ZNF385D: variants seen among roughly 807,000 people sequenced by gnomAD.
ZNF385D encodes zinc finger protein 385D.
A neutral mutation model predicts 35.8 loss-of-function variants in ZNF385D; 15 were observed. The observed-to-expected ratio is 0.42, with a 90% CI of 0.28 to 0.64. The LOEUF is 0.64. Ranked by LOEUF, ZNF385D falls within the 30% of genes least tolerant of loss-of-function variation. ZNF385D has a pLI of 0.23. For missense variants in ZNF385D, 474 were observed against 494.6 expected (o/e 0.96, Z 0.39); for synonymous variants, 212 against 186.8 (o/e 1.13, Z -1.10).
intron 3 of ZNF385D, among the ~76,000 whole-genome samples, chr3:22,100,025 T>G (rs973626424): frequency 4.0e-5 from 6 of 151,572 alleles, no homozygotes; most frequent in African/African-American, 1.5e-4. Flanking sequence ...GGGCAAAGGA[T>G]ATGAACAGAC....
At chr3:21,596,354 T>TAAG (rs2064127342) in intron 2 of ZNF385D, among the ~76,000 whole-genome samples, 1 of 152,150 alleles carries the variant, frequency 6.6e-6, no homozygotes, top group Non-Finnish European at 1.5e-5. Context: ...AAGATACTTA[T>TAAG]AAGAGTGAGA....
At chr3:22,071,995 A>G (rs949990310) in intron 3 of ZNF385D, among the ~76,000 whole-genome samples, 1 of 152,148 alleles carries the variant, frequency 6.6e-6, no homozygotes, top group South Asian at 2.1e-4. Context: ...TCAGAAAAAA[A>G]GATACATAAT....
chr3:21,651,030 A>G (rs962014237), intron 2 of ZNF385D, among the ~76,000 whole-genome samples: 1 of 152,062 alleles, frequency 6.6e-6, no homozygotes, highest in African/African-American at 2.4e-5. Flanking sequence ...CTGTAATCCC[A>G]GCACTTTGGG....
At chr3:22,129,334 T>C (rs769700452) in intron 3 of ZNF385D, among the ~76,000 whole-genome samples, 6 of 152,278 alleles carry the variant, frequency 3.9e-5, no homozygotes, top group Non-Finnish European at 7.4e-5. Context: ...ATTCCTTGGA[T>C]ACTGCTGAGT....
At chr3:21,500,377 T>G (rs2125436905) in intron 4 of ZNF385D, among the ~76,000 whole-genome samples, 1 of 152,278 alleles carries the variant, frequency 6.6e-6, no homozygotes. Flanking sequence ...TGTATGAAAT[T>G]AAGGTGTATC....
intron 1 of ZNF385D, among the ~76,000 whole-genome samples, chr3:21,684,370 CTCTCTCTCTCTCT>C (rs1559516427): frequency 3.7e-4 from 16 of 42,808 alleles, no homozygotes; most frequent in African/African-American, 8.2e-4. Flanking sequence ...GTTCTCCTCT[CTCTCTCTCTCTCT>C]CTCTCTCTCT....
intron 3 of ZNF385D, among the ~76,000 whole-genome samples, chr3:21,523,754 C>T (rs967814285): frequency 6.8e-6 from 1 of 147,370 alleles, no homozygotes; most frequent in Admixed American, 6.9e-5. Flanking sequence ...ATTCTGTTAA[C>T]ATGGAAGGCT....
intron 3 of ZNF385D, among the ~76,000 whole-genome samples, chr3:21,757,144 TCTTGAGA>T (rs1335582444): frequency 7.3e-6 from 1 of 136,612 alleles, no homozygotes; most frequent in Admixed American, 7.4e-5. Context: ...TTTTTTGTTT[TCTTGAGA>T]TGGTGTCTCA....
intron 3 of ZNF385D, among the ~76,000 whole-genome samples, chr3:22,043,760 C>G (rs1361731608): frequency 2.0e-5 from 3 of 151,864 alleles, no homozygotes; most frequent in Admixed American, 2.0e-4. Flanking sequence ...TAATACAATA[C>G]GGTAAAAATG....
chr3:21,717,448 G>A (rs1406964183), intron 1 of ZNF385D, among the ~76,000 whole-genome samples: 2 of 152,192 alleles, frequency 1.3e-5, no homozygotes, highest in African/African-American at 4.8e-5. Context: ...TTGATACAGA[G>A]ATTGCGATCA....
chr3:22,107,557 T>C (rs1576332665), intron 3 of ZNF385D, among the ~76,000 whole-genome samples: 1 of 152,248 alleles, frequency 6.6e-6, no homozygotes, highest in African/African-American at 2.4e-5. Context: ...TAACCTGAGA[T>C]GACTTCTTTA....
chr3:22,163,618 C>T (rs888106073), intron 3 of ZNF385D, among the ~76,000 whole-genome samples: 2 of 152,048 alleles, frequency 1.3e-5, no homozygotes, highest in African/African-American at 4.8e-5. Flanking sequence ...TGATATTTTA[C>T]CTGTTAGGCA....
At position 21,547,710 on chromosome 3, in the gene ZNF385D, A is replaced by G. The variant is rs374631222; in HGVS notation, c.276+16864T>C. ...CAGCTCACTGCAACCTCTGCCTTCCAGGTTCAAGCGATTCTCCTGCCTCAG... is the reference window on the plus strand; with the variant it reads ...CAGCTCACTGCAACCTCTGCCTTCCGGGTTCAAGCGATTCTCCTGCCTCAG... On this transcript the variant is annotated intron_variant, in intron 3 of 7. Coordinates refer to ENST00000281523, the MANE Select transcript of ZNF385D (RefSeq NM_024697.3). Among the ~76,000 whole-genome samples the G allele has an allele frequency of 7.7e-4, 116 of 150,800 alleles. 1 individual carries two copies. In the South Asian group the frequency reaches 0.02, roughly 26 times the overall value.
intron 3 of ZNF385D, among the ~76,000 whole-genome samples, chr3:22,096,638 G>A (rs1396948161): frequency 6.6e-6 from 1 of 151,962 alleles, no homozygotes; most frequent in Non-Finnish European, 1.5e-5. Flanking sequence ...TAGTTTGCCT[G>A]CAATAAAATC....
intron 2 of ZNF385D, among the ~76,000 whole-genome samples, chr3:22,231,661 C>T (rs780907684): frequency 6.6e-6 from 1 of 152,020 alleles, no homozygotes; most frequent in African/African-American, 2.4e-5. Flanking sequence ...TCCATACCTA[C>T]TGGGGCAAAA....
intron 6 of ZNF385D, among the ~76,000 whole-genome samples, chr3:21,424,315 A>AT (rs200706419): frequency 0.34 from 15,996 of 46,616 alleles, 2,116 homozygotes; most frequent in East Asian, 0.45. Flanking sequence ...ATATATATAT[A>AT]TATTTTTTTT....
At position 22,008,160 on chromosome 3, in the gene ZNF385D, C is replaced by G. The variant is rs892798237; in HGVS notation, c.325+160657G>C. Among the ~76,000 whole-genome samples, 4 of 151,896 alleles carry G rather than the reference C, an allele frequency of 2.6e-5. No individual in the cohort carries two copies. In the East Asian group the frequency reaches 7.7e-4, roughly 29 times the overall value. ...TCTTTATTTAGATGGGTGTTGGAAC[C>G]GAAGCTCCTCATAAAATTCAGAACT... On this transcript the variant is annotated intron_variant, in intron 3 of 5. Transcript: ENST00000494108.
At chr3:21,892,730 C>G (rs1227739673) in intron 3 of ZNF385D, among the ~76,000 whole-genome samples, 1 of 152,088 alleles carries the variant, frequency 6.6e-6, no homozygotes, top group Admixed American at 6.6e-5. Flanking sequence ...TCTTTTACCT[C>G]AATTGGTCTA....
intron 3 of ZNF385D, among the ~76,000 whole-genome samples, chr3:22,126,725 A>G (rs913098211): frequency 2.4e-4 from 37 of 152,132 alleles, no homozygotes; most frequent in African/African-American, 8.2e-4. Context: ...ATTAGTTATA[A>G]TATCTCTTTG....
Sources: gnomAD v4.1 joint callset for allele counts (sites outside exome capture counted in the v4.1 genomes callset) on GRCh38, gnomAD v4.1.1 for gene constraint, MANE v1.5 for transcripts, NCBI Gene and HGNC (gene_info 2026-07-23, HGNC 2026-07-21) for gene names.